Variants in PCDH15 observed in about 807,000 individuals in gnomAD.
PCDH15 encodes protocadherin related 15, also known as protocadherin-15.
Under a neutral mutation model 178.5 loss-of-function variants are expected in PCDH15, and 129 were observed. That is an observed-to-expected ratio of 0.72 (90% CI 0.63 to 0.84). PCDH15 has a LOEUF of 0.84. Among genes scored for constraint, PCDH15 ranks in the 40% least tolerant of loss-of-function variants. PCDH15 has a pLI of 0.00. For synonymous variants in PCDH15, 800 were observed against 732.0 expected (o/e 1.09, Z -1.50); for missense variants, 2,230 against 2,099.9 (o/e 1.06, Z -1.21).
chr10:54,681,999 T>C (rs2135670707), intron 1 of PCDH15, among the ~76,000 whole-genome samples: 1 of 152,176 alleles, frequency 6.6e-6, no homozygotes, highest in South Asian at 2.1e-4. Flanking sequence ...ATCGGAGCTT[T>C]GAGGATAAAG....
chr10:54,176,741 C>T (rs993896586), intron 13 of PCDH15, among the ~76,000 whole-genome samples: 1 of 152,002 alleles, frequency 6.6e-6, no homozygotes, highest in Non-Finnish European at 1.5e-5. Context: ...TTGAAATAGC[C>T]AGATTGCCCA....
In PCDH15 at chr10:54,899,132, A is replaced by G. The variant is rs6481125; in HGVS notation, c.-79-1632T>C. Among the ~76,000 whole-genome samples the G allele has an allele frequency of 6.4e-3, 977 of 152,292 alleles. 13 individuals are homozygous for G. Among genetic ancestry groups the G allele is most frequent in the African/African-American group, 0.023 (938 of 41,588 alleles). ...AATTCAGCTGTATGAAGTTCCTGTA[A>G]ATAATTCACTTGCTGGACGTAGAGT... On this transcript the variant is annotated intron_variant, in intron 2 of 5. Transcript: ENST00000458638.
At chr10:55,148,837 T>A (rs1838605189) in intron 2 of PCDH15, among the ~76,000 whole-genome samples, 1 of 148,336 alleles carries the variant, frequency 6.7e-6, no homozygotes, top group Non-Finnish European at 1.5e-5. Flanking sequence ...AACAAAATTA[T>A]ATATATTATA....
intron 2 of PCDH15, among the ~76,000 whole-genome samples, chr10:55,451,497 CA>C (rs34132486): frequency 0.77 from 115,412 of 150,640 alleles, 45,466 homozygotes; most frequent in East Asian, 0.99. Flanking sequence ...GACTCCGTCT[CA>C]AAAAAAAATA....
chr10:55,470,294 C>T (rs565693815), intron 2 of PCDH15, among the ~76,000 whole-genome samples: 12 of 151,154 alleles, frequency 7.9e-5, no homozygotes, highest in African/African-American at 2.2e-4. Flanking sequence ...TGCTGTGAGT[C>T]GAGATGGTGC....
intron 26 of PCDH15, among the ~76,000 whole-genome samples, chr10:53,869,750 T>G (rs2079699992): frequency 6.6e-6 from 1 of 151,896 alleles, no homozygotes; most frequent in Non-Finnish European, 1.5e-5. Flanking sequence ...GAAACCAGCC[T>G]GCACAATATA....
chr10:53,875,412 C>G (rs1234520820), intron 26 of PCDH15, among the ~76,000 whole-genome samples: 1 of 151,826 alleles, frequency 6.6e-6, no homozygotes, highest in East Asian at 1.9e-4. Context: ...TAAATTAATG[C>G]ATAAAAATTA....
chr10:54,953,832 A>G lies in PCDH15; in HGVS notation c.-79-56332T>C, dbSNP rs905507681. On this transcript the variant is annotated intron_variant, in intron 2 of 5. Coordinates refer to the PCDH15 transcript ENST00000458638. ...ACAATGAAATATTTTAAACATTTTT[A>G]TCTTATGTCCCTCAAATATTATTTA... is the stretch of plus-strand genomic sequence containing the variant. 2.6e-5 allele frequency among the ~76,000 whole-genome samples: 4 copies of G among 151,374 alleles called. No homozygotes were observed. The East Asian group carries it at 7.7e-4, about 29-fold the overall frequency.
intron 2 of PCDH15, among the ~76,000 whole-genome samples, chr10:55,437,345 C>T (rs1839065907): frequency 6.6e-6 from 1 of 152,126 alleles, no homozygotes; most frequent in South Asian, 2.1e-4. Flanking sequence ...ACAGCTTACA[C>T]CCAGAAGGTT....
chr10:55,582,289 T>C (rs1159673350), intron 2 of PCDH15, among the ~76,000 whole-genome samples: 2 of 152,140 alleles, frequency 1.3e-5, no homozygotes, highest in Non-Finnish European at 2.9e-5. Context: ...TTGTCTTTCT[T>C]TAATCCTAAA....
intron 3 of PCDH15, among the ~76,000 whole-genome samples, chr10:54,842,476 C>A (rs530127159): frequency 6.6e-6 from 1 of 151,782 alleles, no homozygotes; most frequent in African/African-American, 2.4e-5. Context: ...CAGGAGGAAA[C>A]CTTGTCATTA....
Position 55,159,390 on chromosome 10 carries a change from C to T in PCDH15, c.-80+7186G>A, listed in dbSNP as rs61850939. Among the ~76,000 whole-genome samples the T allele has an allele frequency of 4.0e-3, 29 of 7,340 alleles. No individual in the cohort carries two copies. In the Admixed American group the frequency reaches 0.075, roughly 19 times the overall value. The allele number at this position is 7,340 out of a possible 152,430, so 4.8% of individuals were successfully genotyped here. A position where few individuals can be genotyped will look rare whatever the true frequency, so the allele number is the denominator to read the frequency against. On this transcript the variant is annotated intron_variant, in intron 2 of 5. Coordinates refer to the PCDH15 transcript ENST00000458638. ...CTATCTATATATATATATATATATACACACATACACATTATATATATTATA... is the reference window on the plus strand; with the variant it reads ...CTATCTATATATATATATATATATATACACATACACATTATATATATTATA...
At chr10:54,855,935 T>G (rs1194794472) in intron 3 of PCDH15, among the ~76,000 whole-genome samples, 1 of 152,184 alleles carries the variant, frequency 6.6e-6, no homozygotes, top group Non-Finnish European at 1.5e-5. Flanking sequence ...AATGGCAATT[T>G]ATAGGGAAAA....
intron 2 of PCDH15, among the ~76,000 whole-genome samples, chr10:55,559,080 AG>A (rs1160563242): frequency 1.3e-5 from 2 of 152,024 alleles, no homozygotes; most frequent in East Asian, 3.9e-4. Context: ...GTAAGCTTGC[AG>A]GTGTTATAAC....
At chr10:54,076,783 T>C (rs1590265824) in intron 17 of PCDH15, among the ~76,000 whole-genome samples, 2 of 152,056 alleles carry the variant, frequency 1.3e-5, no homozygotes, top group East Asian at 3.8e-4. Context: ...ATCTCCATCA[T>C]CCCCATTTTG....
At chr10:54,950,514 T>C (rs2131873826) in intron 2 of PCDH15, among the ~76,000 whole-genome samples, 1 of 152,154 alleles carries the variant, frequency 6.6e-6, no homozygotes, top group African/African-American at 2.4e-5. Context: ...AACTTGCTCC[T>C]CCTTTCCTTC....
chr10:55,407,894 T>C (rs762445649), intron 2 of PCDH15, among the ~76,000 whole-genome samples: 9 of 152,182 alleles, frequency 5.9e-5, no homozygotes, highest in Non-Finnish European at 8.8e-5. Context: ...CCAAAGGCTA[T>C]CATCTCTAAG....
chr10:55,432,919 G>T (rs1838922973), intron 2 of PCDH15, among the ~76,000 whole-genome samples: 1 of 151,958 alleles, frequency 6.6e-6, no homozygotes, highest in South Asian at 2.1e-4. Flanking sequence ...AAGTAGCTGG[G>T]AGGCTGAGGC....
intron 9 of PCDH15, among the ~76,000 whole-genome samples, chr10:54,220,297 G>T (rs2052633803): frequency 6.6e-6 from 1 of 152,164 alleles, no homozygotes; most frequent in Non-Finnish European, 1.5e-5. Context: ...ACAATCTTAT[G>T]GGAAAGATAT....
Sources: allele counts gnomAD v4.1 joint callset (sites outside exome capture counted in the v4.1 genomes callset), GRCh38; gene constraint gnomAD v4.1.1; transcripts MANE v1.5; gene names NCBI Gene and HGNC (gene_info 2026-07-23, HGNC 2026-07-21).